The following ZBTB20 variants were observed in gnomAD, a reference collection of about 807,000 sequenced individuals.
The protein encoded by ZBTB20 is zinc finger and BTB domain-containing protein 20.
In ZBTB20, 9 loss-of-function variants were observed where a neutral mutation model predicts 56.9. That is an observed-to-expected ratio of 0.16 (90% CI 0.10 to 0.28). The LOEUF (loss-of-function observed/expected upper bound fraction) is 0.28. Among genes scored for constraint, ZBTB20 ranks in the 10% least tolerant of loss-of-function variants. The pLI is 1.00. For synonymous variants in ZBTB20, 417 were observed against 420.7 expected (o/e 0.99, Z 0.11); for missense variants, 655 against 1,003.0 (o/e 0.65, Z 4.69).
intron 5 of ZBTB20, among the ~76,000 whole-genome samples, chr3:114,778,221 T>G (rs187999281): frequency 0.02 from 2,974 of 147,700 alleles, 47 homozygotes; most frequent in Non-Finnish European, 0.031. Flanking sequence ...GTTGTGCACA[T>G]GTACCCTAAA....
chr3:115,004,541 T>C (rs1383334609), intron 2 of ZBTB20, among the ~76,000 whole-genome samples: 2 of 151,750 alleles, frequency 1.3e-5, no homozygotes, highest in Admixed American at 6.6e-5. Flanking sequence ...TGTTCAGTTT[T>C]ATACATGTAT....
intron 4 of ZBTB20, among the ~76,000 whole-genome samples, chr3:114,872,470 T>A (rs1440418291): frequency 6.6e-6 from 1 of 151,914 alleles, no homozygotes; most frequent in Non-Finnish European, 1.5e-5. Flanking sequence ...TAAAAGCACA[T>A]AAGAAAGAGA....
intron 2 of ZBTB20, among the ~76,000 whole-genome samples, chr3:114,991,362 T>C (rs2078801009): frequency 6.6e-6 from 1 of 152,226 alleles, no homozygotes; most frequent in African/African-American, 2.4e-5. Flanking sequence ...TTTCGTTAGG[T>C]ACCCAGTAGT....
chr3:114,615,921 C>T (rs1057045076), intron 6 of ZBTB20, among the ~76,000 whole-genome samples: 1 of 152,184 alleles, frequency 6.6e-6, no homozygotes, highest in Non-Finnish European at 1.5e-5. Context: ...AAATTACAGC[C>T]TTCTGATACG....
At chr3:114,521,763 T>A (rs142698376) in intron 6 of ZBTB20, among the ~76,000 whole-genome samples, 16 of 152,310 alleles carry the variant, frequency 1.1e-4, no homozygotes, top group African/African-American at 3.1e-4. Context: ...ACAGAAATAG[T>A]GGCCTATCTA....
intron 4 of ZBTB20, among the ~76,000 whole-genome samples, chr3:114,891,748 A>G (rs1420044685): frequency 1.3e-5 from 2 of 152,204 alleles, no homozygotes; most frequent in Non-Finnish European, 2.9e-5. Flanking sequence ...ATGAGTTTAA[A>G]CATTTTTTAA....
chr3:114,351,762 C>T lies in ZBTB20; in HGVS notation c.316G>A (p.Val106Ile). 2 of 1,613,922 alleles carry T rather than the reference C, an allele frequency of 1.2e-6. No individual in the cohort carries two copies. Among genetic ancestry groups the T allele is most frequent in the East Asian group, 2.2e-5 (1 of 44,858 alleles). Residue 106 changes from valine to isoleucine, a missense_variant, in exon 11 of 12, where the codon GTA becomes ATA. Physicochemically the swap from Val to Ile is conservative, Grantham distance 29. Around this residue, in one of 10 missense-constraint regions of ZBTB20, gnomAD observed 57 missense variants for 99.1 expected, o/e 0.58. Transcript: ENST00000675478. ...EQRNRGHFCD[V>I]TVRIHGSMLR... ...ATGCTCCCGTGGATGCGCACCGTTA[C>T]GTCACAGAAGTGGCCACGGTTGCGC... is the stretch of plus-strand genomic sequence containing the variant.
At chr3:114,370,928 T>C (rs1282873732) in intron 10 of ZBTB20, among the ~76,000 whole-genome samples, 1 of 152,230 alleles carries the variant, frequency 6.6e-6, no homozygotes, top group African/African-American at 2.4e-5. Flanking sequence ...CAGAGCTGTC[T>C]ACCCTCATCC....
intron 1 of ZBTB20, among the ~76,000 whole-genome samples, chr3:115,118,175 G>A (rs1263481171): frequency 6.6e-6 from 1 of 152,092 alleles, no homozygotes; most frequent in Non-Finnish European, 1.5e-5. Flanking sequence ...CTCAAATTTT[G>A]TTGTATTGTA....
At chr3:114,606,785 T>C (rs2057189409) in intron 6 of ZBTB20, among the ~76,000 whole-genome samples, 1 of 151,922 alleles carries the variant, frequency 6.6e-6, no homozygotes, top group South Asian at 2.1e-4. Flanking sequence ...CCATGGCTAT[T>C]TTTGAATATT....
intron 6 of ZBTB20, among the ~76,000 whole-genome samples, chr3:114,685,364 A>T (rs1298071014): frequency 6.6e-6 from 1 of 152,204 alleles, no homozygotes; most frequent in Non-Finnish European, 1.5e-5. Flanking sequence ...TCATGAGCTG[A>T]CAAGGACTTG....
At chr3:114,884,668 T>C (rs746414013) in intron 4 of ZBTB20, among the ~76,000 whole-genome samples, 5 of 152,272 alleles carry the variant, frequency 3.3e-5, no homozygotes, top group Non-Finnish European at 5.9e-5. Context: ...ATGAGAAAAA[T>C]AGACATCCTG....
intron 7 of ZBTB20, among the ~76,000 whole-genome samples, chr3:114,438,434 A>C (rs2090677048): frequency 7.8e-6 from 1 of 127,574 alleles, no homozygotes; most frequent in African/African-American, 3.1e-5. Context: ...AACAAAAAAA[A>C]CCAAAAAAAA....
At chr3:114,967,273 G>A (rs548358246) in intron 3 of ZBTB20, among the ~76,000 whole-genome samples, 2 of 151,940 alleles carry the variant, frequency 1.3e-5, no homozygotes, top group South Asian at 2.1e-4. Flanking sequence ...AGCAGAAAAC[G>A]TTATACTTGG....
At position 114,988,374 on chromosome 3, in the gene ZBTB20, A is replaced by G. The variant is rs2078647851; in HGVS notation, c.-506-13958T>C. Among the ~76,000 whole-genome samples, 4 of 151,394 alleles carry G rather than the reference A, an allele frequency of 2.6e-5. No individual in the cohort carries two copies. In the South Asian group the frequency reaches 8.3e-4, roughly 32 times the overall value. On this transcript the variant is annotated intron_variant, in intron 2 of 11. Coordinates refer to ENST00000675478, the MANE Select transcript of ZBTB20 (RefSeq NM_001348800.3). ...GTGTTTGGTTTTTTGTCCTTGTGAT[A>G]GTTTGCTGAGAATGATGGTTTCCAG...
intron 5 of ZBTB20, among the ~76,000 whole-genome samples, chr3:114,696,847 T>C (rs2063059380): frequency 6.6e-6 from 1 of 151,944 alleles, no homozygotes; most frequent in African/African-American, 2.4e-5. Context: ...TATTGTACAT[T>C]TGAGACATTA....
At chr3:114,920,305 C>T (rs2075907990) in intron 3 of ZBTB20, among the ~76,000 whole-genome samples, 1 of 152,234 alleles carries the variant, frequency 6.6e-6, no homozygotes, top group African/African-American at 2.4e-5. Context: ...AACATTCTAT[C>T]CAACAGCAGT....
chr3:114,343,388 T>C (rs2079942600), intron 11 of ZBTB20, among the ~76,000 whole-genome samples: 1 of 152,224 alleles, frequency 6.6e-6, no homozygotes, highest in African/African-American at 2.4e-5. Flanking sequence ...TCAGGAGATT[T>C]TTCAGAAGCA....
At chr3:114,381,002 C>G (rs1257599693) in intron 8 of ZBTB20, 62 bp from the exon 9 acceptor site, 1 of 360,048 alleles carries the variant, frequency 2.8e-6, no homozygotes, top group Non-Finnish European at 5.0e-6. Context: ...TAAATTTCTA[C>G]TCATGGACTA....
Sources: gnomAD v4.1 joint callset for allele counts (sites outside exome capture counted in the v4.1 genomes callset) on GRCh38, gnomAD v4.1.1 for gene constraint, gnomAD v4.1.1 regional missense constraint, MANE v1.5 for transcripts, NCBI Gene and HGNC (gene_info 2026-07-23, HGNC 2026-07-21) for gene names.